SEMA4D: variants seen among roughly 807,000 people sequenced by gnomAD.
SEMA4D encodes the protein semaphorin 4D, also known as semaphorin-4D.
SEMA4D carries 22 observed loss-of-function variants against 74.8 expected under a neutral mutation model. The observed-to-expected ratio is 0.29, with a 90% CI of 0.21 to 0.42. The LOEUF is 0.42. SEMA4D is among the 10% of genes least tolerant of loss of function. The pLI is 1.00. For synonymous variants in SEMA4D, 445 were observed against 463.7 expected (o/e 0.96, Z 0.52); for missense variants, 937 against 1,118.4 (o/e 0.84, Z 2.31).
intron 1 of SEMA4D, among the ~76,000 whole-genome samples, chr9:89,480,456 C>T (rs1270083586): frequency 2.0e-5 from 3 of 152,234 alleles, no homozygotes; most frequent in South Asian, 4.1e-4. Context: ...GACTGGGCGC[C>T]GTGGAGCAGG....
chr9:89,363,150 T>G (rs1832973528), intron 18 of SEMA4D, among the ~76,000 whole-genome samples: 1 of 152,204 alleles, frequency 6.6e-6, no homozygotes, highest in Non-Finnish European at 1.5e-5. Context: ...GGGGCCCATC[T>G]AACTAGACAG....
At chr9:89,369,054 C>T (rs1834138936) in intron 16 of SEMA4D, 2 of 152,240 alleles carry the variant, frequency 1.3e-5, no homozygotes, top group African/African-American at 2.4e-5. Context: ...ATGCGAAGGA[C>T]CTCAGAGCAC....
In SEMA4D at chr9:89,492,911, T is replaced by C. The variant is rs1024699017; in HGVS notation, c.-310+5008A>G. 6.6e-6 allele frequency among the ~76,000 whole-genome samples: 1 copy of C among 152,172 alleles called. No individual in the cohort carries two copies. Among genetic ancestry groups the C allele is most frequent in the Non-Finnish European group, 1.5e-5 (1 of 68,024 alleles). ...TCAGCAAGGCACAGGGGCCACCTGA[T>C]TTTAAATCACAACCACCCTCTCAAC... On this transcript the variant is annotated intron_variant, in intron 1 of 15. Transcript: ENST00000422704. The surrounding 1 kb of genome is among the most constrained non-coding windows in gnomAD (Gnocchi z 4.3).
chr9:89,403,269 GC>G (rs1318289583), intron 3 of SEMA4D, among the ~76,000 whole-genome samples: 1 of 152,202 alleles, frequency 6.6e-6, no homozygotes, highest in Non-Finnish European at 1.5e-5. Context: ...CAAGCCCGGA[GC>G]CAGTGTGCTC....
intron 3 of SEMA4D, among the ~76,000 whole-genome samples, chr9:89,403,826 G>A (rs1207127314): frequency 2.0e-5 from 3 of 152,176 alleles, no homozygotes; most frequent in Admixed American, 1.3e-4. Context: ...CACTTTGGGA[G>A]GCCAAGGTGG....
chr9:89,441,679 GT>G (rs1851690545), intron 2 of SEMA4D, among the ~76,000 whole-genome samples: 1 of 152,218 alleles, frequency 6.6e-6, no homozygotes, highest in African/African-American at 2.4e-5. Flanking sequence ...CCTGGAGGCT[GT>G]GGCTGCTTTG....
chr9:89,468,377 C>G (rs1013803790), intron 1 of SEMA4D, among the ~76,000 whole-genome samples: 2 of 152,098 alleles, frequency 1.3e-5, no homozygotes, highest in Admixed American at 6.6e-5. Context: ...ACCAAATTCC[C>G]CAAAGTCCAT....
rs1250021596 is a variant in SEMA4D at position 89,450,729 on chromosome 9, T to A, written c.-244+5159A>T. 17 of 1,362,450 alleles carry A rather than the reference T, an allele frequency of 1.2e-5. No homozygotes were observed. In the Admixed American group the frequency reaches 3.0e-4, roughly 24 times the overall value. 84.4% of individuals were successfully genotyped at this position (1,362,450 alleles called of 1,614,324 possible). ...GAGAATGCCACCAGTGGGGAAACAT[T>A]AGAAGAAAATGAAGCTGGGGACCAA... On this transcript the variant is annotated intron_variant, in intron 2 of 15. Coordinates refer to ENST00000422704, the MANE Select transcript of SEMA4D (RefSeq NM_001371194.2).
chr9:89,372,804 C>T (rs957326304), downstream of SEMA4D, among the ~76,000 whole-genome samples: 5 of 152,022 alleles, frequency 3.3e-5, no homozygotes, highest in Non-Finnish European at 5.9e-5. Flanking sequence ...CTGGGCACTG[C>T]AAAGGCATAG....
intron 8 of SEMA4D, 47 bp from the exon 9 acceptor site, chr9:89,391,462 C>T: frequency 1.2e-6 from 2 of 1,601,122 alleles, no homozygotes; most frequent in Non-Finnish European, 1.7e-6. Flanking sequence ...AGCTGGGGGA[C>T]TGCCTGCACC....
chr9:89,398,884 T>G (rs1564623609), intron 5 of SEMA4D, among the ~76,000 whole-genome samples: 1 of 152,202 alleles, frequency 6.6e-6, no homozygotes, highest in Non-Finnish European at 1.5e-5. Flanking sequence ...AAAAACTGCA[T>G]GACTAGCAAC....
chr9:89,363,781 C>G (rs1327327193), exon 17 of SEMA4D: 2 of 1,613,836 alleles, frequency 1.2e-6, no homozygotes, highest in Non-Finnish European at 1.7e-6. Context: ...AAGTCTTGTT[C>G]CCTGCTGAGG....
Position 89,492,889 on chromosome 9 carries a change from G to A in SEMA4D, c.-310+5030C>T, listed in dbSNP as rs1825739582. On this transcript the variant is annotated intron_variant, in intron 1 of 15. Transcript: ENST00000422704. The surrounding 1 kb of genome is among the most constrained non-coding windows in gnomAD (Gnocchi z 4.3). ...TCACCTCCCCTACATCTAGGGCTCA[G>A]CAAGGCACAGGGGCCACCTGATTTT... is the stretch of plus-strand genomic sequence containing the variant. 6.6e-6 allele frequency among the ~76,000 whole-genome samples: 1 copy of A among 152,144 alleles called. No individual in the cohort carries two copies. The highest frequency in any genetic ancestry group is 1.5e-5 in the Non-Finnish European group (1 of 68,036).
intron 13 of SEMA4D, 119 bp downstream of exon 13, chr9:89,386,248 G>A (rs991718098): frequency 8.9e-6 from 9 of 1,010,006 alleles, no homozygotes; most frequent in Non-Finnish European, 1.1e-5. Flanking sequence ...GCTCACCCAG[G>A]GCAGACAGAC....
chr9:89,438,597 G>A lies in SEMA4D; in HGVS notation c.-244+17291C>T, dbSNP rs540431172. ...GACAAACAACATTTCTAGTGTTAGG[G>A]ATATTTGAGGCAAAAAATCGAAGTA... On this transcript the variant is annotated intron_variant, in intron 2 of 15. Transcript: ENST00000422704. Among the ~76,000 whole-genome samples, 45 of 152,348 alleles carry A rather than the reference G, an allele frequency of 3.0e-4. No individual in the cohort carries two copies. In the South Asian group the frequency reaches 9.1e-3, roughly 31 times the overall value.
chr9:89,467,274 G>A (rs1858974461), intron 1 of SEMA4D, among the ~76,000 whole-genome samples: 1 of 152,056 alleles, frequency 6.6e-6, no homozygotes, highest in Admixed American at 6.5e-5. Flanking sequence ...CGTAGAACCT[G>A]GATGACCTTG....
Position 89,379,381 on chromosome 9 carries a change from C to T in SEMA4D, c.1912G>A (p.Val638Met). The T allele has an allele frequency of 6.2e-7, 1 of 1,614,202 alleles. No homozygotes were observed. The highest frequency in any genetic ancestry group is 8.5e-7 in the Non-Finnish European group (1 of 1,180,046). Residue 638 changes from valine to methionine, a missense_variant, in exon 16 of 16, where the codon GTG (valine) becomes ATG (methionine). By Grantham distance (21) the Val-to-Met change is conservative. Transcript: ENST00000422704. The stretch of plus-strand genomic sequence containing the variant: ...ACTTCCAGGACGTGCTTGGCGACCA[C>T]TTGGAAGACCGTTTTGTTCTTAACC... ...ERVKNKTVFQ[V>M]VAKHVLEVKV...
intron 2 of SEMA4D, among the ~76,000 whole-genome samples, chr9:89,428,892 G>T (rs561026136): frequency 3.3e-5 from 5 of 152,338 alleles, no homozygotes; most frequent in Middle Eastern, 3.4e-3. Flanking sequence ...CTAGGGCTCT[G>T]CCCCCTGGGT....
chr9:89,371,346 T>C (rs1182571446), intron 16 of SEMA4D, among the ~76,000 whole-genome samples: 1 of 102,494 alleles, frequency 9.8e-6, no homozygotes, highest in African/African-American at 4.0e-5. Context: ...TGGAGTGTGG[T>C]GTGTGTTGGG....
Sources: allele counts gnomAD v4.1 joint callset (sites outside exome capture counted in the v4.1 genomes callset), GRCh38; gene constraint gnomAD v4.1.1; non-coding constraint Gnocchi (gnomAD v3.1); transcripts MANE v1.5; gene names NCBI Gene and HGNC (gene_info 2026-07-23, HGNC 2026-07-21).